The following CTNNA2 variants were observed in gnomAD, a reference collection of about 807,000 sequenced individuals.
CTNNA2 encodes catenin alpha-2.
CTNNA2 carries 42 observed loss-of-function variants against 101.0 expected under a neutral mutation model. That is an observed-to-expected ratio of 0.42 (90% confidence interval 0.32 to 0.54). The LOEUF (loss-of-function observed/expected upper bound fraction) is 0.54. Among genes scored for constraint, CTNNA2 ranks in the 20% least tolerant of loss-of-function variants. CTNNA2 has a pLI of 0.14. For synonymous variants in CTNNA2, 450 were observed against 456.4 expected (o/e 0.99, Z 0.18); for missense variants, 871 against 1,223.1 (o/e 0.71, Z 4.29).
At chr2:79,321,288 C>T (rs1676617537) in intron 3 of CTNNA2, among the ~76,000 whole-genome samples, 1 of 152,048 alleles carries the variant, frequency 6.6e-6, no homozygotes, top group African/African-American at 2.4e-5. Flanking sequence ...GAAACAATTG[C>T]TCTTAACTAG....
intron 2 of CTNNA2, among the ~76,000 whole-genome samples, chr2:79,245,806 G>A (rs1057342427): frequency 6.6e-6 from 1 of 152,158 alleles, no homozygotes; most frequent in African/African-American, 2.4e-5. Context: ...CTTTCCTAAT[G>A]TTTTGAGCTT....
chr2:80,374,691 G>T (rs889653155), intron 7 of CTNNA2, among the ~76,000 whole-genome samples: 95 of 151,490 alleles, frequency 6.3e-4, no homozygotes, highest in African/African-American at 2.2e-3. Context: ...GCGTGTGTGT[G>T]TGTGTGTGTG....
intron 17 of CTNNA2, among the ~76,000 whole-genome samples, chr2:80,615,190 T>G (rs1196848454): frequency 6.6e-6 from 1 of 151,496 alleles, no homozygotes; most frequent in Non-Finnish European, 1.5e-5. Flanking sequence ...TAAGATAGAA[T>G]CCATAGCAAA....
At chr2:80,003,923 T>C (rs1693141849) in intron 7 of CTNNA2, among the ~76,000 whole-genome samples, 1 of 152,142 alleles carries the variant, frequency 6.6e-6, no homozygotes. Flanking sequence ...AAGGGAAGGA[T>C]GAGGATGTAA....
intron 7 of CTNNA2, among the ~76,000 whole-genome samples, chr2:79,954,278 G>A (rs943610943): frequency 1.3e-5 from 2 of 152,198 alleles, no homozygotes; most frequent in African/African-American, 4.8e-5. Context: ...TTCGAGATGA[G>A]AGTTGGGTGG....
At chr2:79,581,897 A>G (rs1157313157) in intron 1 of CTNNA2, among the ~76,000 whole-genome samples, 3 of 152,046 alleles carry the variant, frequency 2.0e-5, no homozygotes, top group Non-Finnish European at 4.4e-5. Context: ...TGATTTGGGG[A>G]AGGCAGTCAA....
rs538091373 is a variant in CTNNA2 at position 80,436,052 on chromosome 2, A to G, written c.1290+16451A>G. Reference sequence around the variant, plus strand: ...TATTTCTAAGCAGTTACTGGAAACCATGTGCTGTAGTAAATAAGCCCCATC... The same window carrying G: ...TATTTCTAAGCAGTTACTGGAAACCGTGTGCTGTAGTAAATAAGCCCCATC... On this transcript the variant is annotated intron_variant, in intron 9 of 18. Coordinates refer to ENST00000402739, the MANE Select transcript of CTNNA2 (RefSeq NM_001282597.3). 2.0e-5 allele frequency among the ~76,000 whole-genome samples: 3 copies of G among 152,308 alleles called. No homozygotes were observed. The South Asian group carries it at 6.2e-4, about 32-fold the overall frequency.
chr2:80,328,997 A>G (rs2149259239), intron 7 of CTNNA2, among the ~76,000 whole-genome samples: 1 of 152,298 alleles, frequency 6.6e-6, no homozygotes, highest in Non-Finnish European at 1.5e-5. Context: ...CATTGGCCAA[A>G]ATGCCATTAT....
At chr2:79,837,759 A>T (rs935977571) in intron 3 of CTNNA2, among the ~76,000 whole-genome samples, 21 of 151,996 alleles carry the variant, frequency 1.4e-4, no homozygotes, top group East Asian at 1.9e-4. Context: ...TTTTTTTTTA[A>T]AAAAAATCAA....
At position 80,302,883 on chromosome 2, in the gene CTNNA2, C is replaced by T. The variant is rs1484192917; in HGVS notation, c.1057-90328C>T. ...TTGCGCCCGCAATCCCACAGGTTCCCGGCCAGGGTGATGCTTGTCAGGGAC... is the reference window on the plus strand; with the variant it reads ...TTGCGCCCGCAATCCCACAGGTTCCTGGCCAGGGTGATGCTTGTCAGGGAC... On this transcript the variant is annotated intron_variant, in intron 7 of 18. Transcript: ENST00000402739. The surrounding 1 kb of genome is among the most constrained non-coding windows in gnomAD (Gnocchi z 6.4). The T allele has an allele frequency of 1.9e-6, 3 of 1,614,126 alleles. No individual in the cohort carries two copies. The highest frequency in any genetic ancestry group is 3.3e-5 in the Admixed American group (2 of 60,026).
intron 4 of CTNNA2, among the ~76,000 whole-genome samples, chr2:79,442,010 A>T (rs912238058): frequency 4.6e-5 from 7 of 152,156 alleles, no homozygotes; most frequent in Non-Finnish European, 8.8e-5. Flanking sequence ...GTTATTTGTG[A>T]CTAATTAGCT....
chr2:79,768,933 C>A (rs1476793344), intron 3 of CTNNA2, among the ~76,000 whole-genome samples: 1 of 152,140 alleles, frequency 6.6e-6, no homozygotes, highest in Non-Finnish European at 1.5e-5. Context: ...CGGCTCACTG[C>A]AAGCTCCACC....
At chr2:79,356,374 G>A (rs1276829644) in intron 3 of CTNNA2, among the ~76,000 whole-genome samples, 2 of 151,914 alleles carry the variant, frequency 1.3e-5, no homozygotes, top group African/African-American at 4.8e-5. Context: ...TATATGAATT[G>A]CAAATATTTC....
chr2:79,930,389 A>G (rs1338938962), intron 7 of CTNNA2, among the ~76,000 whole-genome samples: 1 of 152,140 alleles, frequency 6.6e-6, no homozygotes, highest in Admixed American at 6.6e-5. Flanking sequence ...CTCCTCCCTC[A>G]CTTCAGAGGA....
intron 2 of CTNNA2, among the ~76,000 whole-genome samples, chr2:79,727,927 A>G (rs942034574): frequency 2.0e-5 from 3 of 152,016 alleles, no homozygotes; most frequent in Non-Finnish European, 4.4e-5. Context: ...TTATGGCTGC[A>G]TAGTATTCCA....
chr2:80,421,362 C>T (rs2149409196), intron 9 of CTNNA2, among the ~76,000 whole-genome samples: 1 of 152,302 alleles, frequency 6.6e-6, no homozygotes, highest in South Asian at 2.1e-4. Flanking sequence ...GTGTGATAAA[C>T]ATCTACTTTC....
chr2:80,083,823 T>G (rs1479525712), intron 7 of CTNNA2, among the ~76,000 whole-genome samples: 1 of 152,188 alleles, frequency 6.6e-6, no homozygotes, highest in Non-Finnish European at 1.5e-5. Flanking sequence ...CATTTATGAA[T>G]TTTTAATATT....
chr2:80,347,533 C>T (rs546741947), intron 7 of CTNNA2, among the ~76,000 whole-genome samples: 8 of 152,240 alleles, frequency 5.3e-5, no homozygotes, highest in South Asian at 2.1e-4. Flanking sequence ...AAATGCACAG[C>T]GCTCCTTAGA....
At chr2:80,192,189 G>GA (rs1454419897) in intron 7 of CTNNA2, among the ~76,000 whole-genome samples, 1 of 152,148 alleles carries the variant, frequency 6.6e-6, no homozygotes, top group African/African-American at 2.4e-5. Flanking sequence ...CACTGATAAG[G>GA]AAAATTATTT....
Sources: allele counts gnomAD v4.1 joint callset (sites outside exome capture counted in the v4.1 genomes callset), GRCh38; gene constraint gnomAD v4.1.1; non-coding constraint Gnocchi (gnomAD v3.1); transcripts MANE v1.5; gene names NCBI Gene and HGNC (gene_info 2026-07-23, HGNC 2026-07-21).